The following CFHR4 variants were observed in gnomAD, a reference collection of about 807,000 sequenced individuals.
CFHR4 encodes the protein complement factor H related 4.
In CFHR4, 64 loss-of-function variants were observed where a neutral mutation model predicts 69.3. The observed-to-expected ratio is 0.92, with a 90% confidence interval of 0.76 to 1.14. CFHR4 has a LOEUF of 1.14. Ranked by LOEUF, CFHR4 falls within the 50% of genes most tolerant of loss-of-function variation. The pLI, the probability that CFHR4 is intolerant of heterozygous loss-of-function variation, is 0.00. For synonymous variants in CFHR4, 244 were observed against 237.0 expected, an observed-to-expected ratio of 1.03 and a Z score of -0.27; for missense variants, 636 against 684.9, an observed-to-expected ratio of 0.93 and a Z score of 0.80.
rs139775909 is a variant in CFHR4, at chr1:196,898,195, A to C, written c.59-4223A>C. 8.0e-4 allele frequency among the ~76,000 whole-genome samples: 122 copies of C among 151,672 alleles called. 5 individuals carry two copies. In the East Asian group the frequency reaches 0.021, roughly 27 times the overall value. On this transcript the variant is annotated intron_variant, in intron 1 of 9. Coordinates refer to ENST00000608469, the MANE Select transcript of CFHR4 (RefSeq NM_001201550.3). ...CTACACACCTGAAAAGACAAAACAC[A>C]GAATTGAAGATTTAATCATATGTGA...
intron 6 of CFHR4, 60 bp downstream of exon 6, chr1:196,910,538 A>G: frequency 7.2e-7 from 1 of 1,385,364 alleles, no homozygotes; most frequent in Non-Finnish European, 1.0e-6. Context: ...GAGAGAGAAG[A>G]GCAAACAAAT....
intron 1 of CFHR4, 138 bp downstream of exon 1, chr1:196,888,346 G>A (rs947552438): frequency 7.7e-6 from 6 of 775,956 alleles, no homozygotes; most frequent in South Asian, 3.7e-5. Context: ...CATATTTTGT[G>A]AGAGTATAAC....
intron 5 of CFHR4, 42 bp downstream of exon 5, chr1:196,907,540 A>C (rs1657983733): frequency 2.6e-6 from 4 of 1,520,126 alleles, no homozygotes; most frequent in Non-Finnish European, 2.7e-6. Flanking sequence ...TTAGAGTAAT[A>C]ACTTTGATCC....
intron 6 of CFHR4, 138 bp from the exon 7 acceptor site, chr1:196,912,602 A>G: frequency 9.8e-7 from 1 of 1,015,374 alleles, no homozygotes; most frequent in African/African-American, 1.7e-5. Context: ...GATGTCTAGG[A>G]AACTTCCAGT....
chr1:196,906,484 G>A (rs1328881363), intron 3 of CFHR4, among the ~76,000 whole-genome samples: 1 of 151,290 alleles, frequency 6.6e-6, no homozygotes, highest in African/African-American at 2.4e-5. Flanking sequence ...TCAGTAAACT[G>A]AGTACATAAA....
rs1410899905 is a variant in CFHR4 at position 196,905,250 on chromosome 1, A to T, written c.399A>T (p.Thr133=). 6.2e-7 allele frequency: 1 copy of T among 1,611,534 alleles called. No individual in the cohort carries two copies. The highest frequency in any genetic ancestry group is 1.7e-5 in the Admixed American group (1 of 59,814). ...TAEGNSSGSI[T]CLQNGWSTQP... Reference sequence around the variant, plus strand: ...AGGGAAATTCTTCAGGATCAATTACATGTTTGCAAAATGGATGGTCAACAC... The same window carrying T: ...AGGGAAATTCTTCAGGATCAATTACTTGTTTGCAAAATGGATGGTCAACAC... The change falls in exon 3 of 10, where the codon ACA becomes ACT. Residue 133 remains threonine, a synonymous_variant. Coordinates refer to ENST00000608469, the MANE Select transcript of CFHR4 (RefSeq NM_001201550.3).
intron 1 of CFHR4, among the ~76,000 whole-genome samples, chr1:196,899,203 G>C (rs1571422447): frequency 6.6e-6 from 1 of 151,006 alleles, no homozygotes; most frequent in East Asian, 1.9e-4. Flanking sequence ...GATTTTTTCT[G>C]TCTCTACAAA....
intron 4 of CFHR4, 21 bp downstream of exon 4, chr1:196,907,058 T>C (rs1312362737): frequency 1.9e-6 from 3 of 1,581,468 alleles, no homozygotes; most frequent in Non-Finnish European, 2.6e-6. Context: ...TATTCAAGTA[T>C]TTCTTTTTAC....
intron 2 of CFHR4, among the ~76,000 whole-genome samples, chr1:196,903,319 A>C (rs552979979): frequency 6.6e-6 from 1 of 151,268 alleles, no homozygotes; most frequent in Non-Finnish European, 1.5e-5. Context: ...CTGGATAATT[A>C]GTGGATTCTG....
intron 1 of CFHR4, among the ~76,000 whole-genome samples, chr1:196,892,802 G>T (rs1003028977): frequency 1.3e-5 from 2 of 151,298 alleles, no homozygotes; most frequent in Admixed American, 1.3e-4. Flanking sequence ...CATTCATGAA[G>T]CATTCAAGTC....
Position 196,906,946 on chromosome 1 carries a change from A to G in CFHR4, c.525A>G (p.Glu175=). The G allele has an allele frequency of 6.2e-7, 1 of 1,612,630 alleles. No homozygotes were observed. Among genetic ancestry groups the G allele is most frequent in the Non-Finnish European group, 8.5e-7 (1 of 1,179,514 alleles). The part of the protein sequence containing the change: ...WFKLHDTLDY[E]CYDGYESSYG... ...AGCTCCATGACACATTGGACTATGA[A>G]TGCTATGATGGATATGAAAGCAGTT... Residue 175 remains glutamate, a synonymous_variant, in exon 4 of 10, where the codon GAA becomes GAG. Transcript: ENST00000608469.
At chr1:196,908,703 G>C (rs1658058269) in intron 5 of CFHR4, among the ~76,000 whole-genome samples, 1 of 151,426 alleles carries the variant, frequency 6.6e-6, no homozygotes, top group Non-Finnish European at 1.5e-5. Context: ...ATTTCTACTA[G>C]CCTATGAGGT....
In CFHR4 at chr1:196,907,007, G is replaced by C. The variant is rs1657945242; in HGVS notation, c.586G>C (p.Asp196His). The C allele has an allele frequency of 6.2e-7, 1 of 1,611,674 alleles. No individual in the cohort carries two copies. Among genetic ancestry groups the C allele is most frequent in the African/African-American group, 1.3e-5 (1 of 74,294 alleles). The change falls in exon 4 of 10, where the codon GAT becomes CAT. Residue 196 changes from aspartate to histidine, a missense_variant. Transcript: ENST00000608469. ...CACAGATTCCATAGTGTGTGGTGAAGATGGCTGGTCCCATTTGCCAACATG... is the reference window on the plus strand; with the variant it reads ...CACAGATTCCATAGTGTGTGGTGAACATGGCTGGTCCCATTTGCCAACATG... ...NTTDSIVCGE[D>H]GWSHLPTCYN...
At chr1:196,901,527 T>C (rs1165822782) in intron 1 of CFHR4, among the ~76,000 whole-genome samples, 1 of 151,328 alleles carries the variant, frequency 6.6e-6, no homozygotes, top group African/African-American at 2.4e-5. Context: ...TGTTGGAATT[T>C]TTTATAATGT....
chr1:196,893,129 TA>T (rs1383953210), intron 1 of CFHR4, among the ~76,000 whole-genome samples: 1 of 151,750 alleles, frequency 6.6e-6, no homozygotes, highest in African/African-American at 2.4e-5. Context: ...TACCACGTTT[TA>T]AAATGATTGG....
intron 8 of CFHR4, 36 bp downstream of exon 8, chr1:196,914,707 A>T (rs1473508163): frequency 6.5e-7 from 1 of 1,533,168 alleles, no homozygotes; most frequent in Non-Finnish European, 8.8e-7. Context: ...TATTAGAATT[A>T]AATAAAATAA....
chr1:196,892,511 A>T (rs1481464086), intron 1 of CFHR4, among the ~76,000 whole-genome samples: 1 of 151,214 alleles, frequency 6.6e-6, no homozygotes, highest in African/African-American at 2.4e-5. Flanking sequence ...AATGAGAATG[A>T]TTAACATGAA....
In CFHR4 at chr1:196,918,325, G is replaced by A. The variant is rs755392398; in HGVS notation, c.1656G>A (p.Leu552=). The change falls in exon 10 of 10, where the codon TTG becomes TTA. Residue 552 remains leucine, a synonymous_variant. Coordinates refer to ENST00000608469, the MANE Select transcript of CFHR4 (RefSeq NM_001201550.3). ...TGDTIEFMCK[L]GYNANTSVLS... is the part of the protein sequence containing the mutation. The stretch of plus-strand genomic sequence containing the variant: ...ATACCATTGAATTTATGTGTAAATT[G>A]GGATATAATGCGAATACATCAGTTC... The A allele has an allele frequency of 2.5e-6, 4 of 1,611,380 alleles. No individual in the cohort carries two copies. In the African/African-American group the frequency reaches 5.4e-5, roughly 22 times the overall value.
At chr1:196,909,512 T>C (rs1658119468) in intron 5 of CFHR4, among the ~76,000 whole-genome samples, 2 of 151,544 alleles carry the variant, frequency 1.3e-5, no homozygotes, top group Admixed American at 1.3e-4. Flanking sequence ...GAAGAGATCT[T>C]AAAAATTTTT....
Sources: gnomAD v4.1 joint callset for allele counts (sites outside exome capture counted in the v4.1 genomes callset) on GRCh38, gnomAD v4.1.1 for gene constraint, MANE v1.5 for transcripts, NCBI Gene and HGNC (gene_info 2026-07-23, HGNC 2026-07-21) for gene names.